Variants in SLC29A1 observed in about 807,000 individuals in gnomAD.
The protein encoded by SLC29A1 is equilibrative nucleoside transporter 1.
In SLC29A1, 22 loss-of-function variants were observed where a neutral mutation model predicts 48.3. The ratio of observed to expected loss-of-function variants is 0.46; its 90% CI spans 0.33 to 0.65. SLC29A1 has a LOEUF of 0.65. Ranked by LOEUF, SLC29A1 falls within the 30% of genes least tolerant of loss-of-function variation. The pLI is 0.03. For synonymous variants in SLC29A1, 228 were observed against 231.0 expected, an observed-to-expected ratio of 0.99 and a Z score of 0.12; for missense variants, 491 against 575.3, an observed-to-expected ratio of 0.85 and a Z score of 1.50.
chr6:44,219,979 C>A (rs1466031039), upstream of SLC29A1, among the ~76,000 whole-genome samples: 1 of 152,170 alleles, frequency 6.6e-6, no homozygotes, highest in African/African-American at 2.4e-5. Context: ...TATTAGATGA[C>A]TGCCTCCCCA....
At chr6:44,231,562 A>G (rs1251614692) in intron 9 of SLC29A1, 101 bp downstream of exon 9, 7 of 780,618 alleles carry the variant, frequency 9.0e-6, no homozygotes, top group Non-Finnish European at 1.6e-5. Flanking sequence ...CTGACCTGAG[A>G]GTGGTCACTC....
At position 44,231,348 on chromosome 6, in the gene SLC29A1, T is replaced by A; in HGVS notation, c.767-16T>A. 1 of 1,533,320 alleles carries A rather than the reference T, an allele frequency of 6.5e-7. No individual in the cohort carries two copies. Among genetic ancestry groups the A allele is most frequent in the Non-Finnish European group, 9.0e-7 (1 of 1,113,962 alleles). The allele number at this position is 1,533,320 out of a possible 1,614,324, so 95.0% of individuals were successfully genotyped here. A position where few individuals can be genotyped will look rare whatever the true frequency, so the allele number is the denominator to read the frequency against. ...TCTGTCTTCCCCACAACTTGGAGAT[T>A]TCTTCCATCCCGCAGGAGAGGAGCC... On this transcript the variant is annotated splice_polypyrimidine_tract_variant and intron_variant, in intron 8 of 12. Coordinates refer to ENST00000371755, the MANE Select transcript of SLC29A1 (RefSeq NM_001372327.1).
intron 1 of SLC29A1, among the ~76,000 whole-genome samples, chr6:44,225,153 C>T (rs560719939): frequency 3.6e-4 from 54 of 152,040 alleles, no homozygotes; most frequent in Non-Finnish European, 5.3e-4. Context: ...GGGTGGAGTA[C>T]GGGGTATGCG....
intron 12 of SLC29A1, 83 bp downstream of exon 12, chr6:44,233,089 A>C: frequency 7.2e-7 from 1 of 1,386,256 alleles, no homozygotes; most frequent in Non-Finnish European, 1.0e-6. Flanking sequence ...GGGAGGGCAA[A>C]AGGAGAGTCC....
rs1554137129 is a variant in SLC29A1, at chr6:44,229,623, T to C, written c.146T>C (p.Val49Ala). 6.2e-7 allele frequency: 1 copy of C among 1,614,198 alleles called. No individual in the cohort carries two copies. The highest frequency in any genetic ancestry group is 1.1e-5 in the South Asian group (1 of 91,086). Reference protein sequence around the residue: ...FTNRLDMSQNVSLVTAELSKD... With the variant: ...FTNRLDMSQNASLVTAELSKD... The stretch of plus-strand genomic sequence containing the variant: ...AACCGCCTGGACATGTCCCAGAATG[T>C]GTCCTTGGTCACTGCTGAACTGAGC... The change falls in exon 4 of 13, where the codon GTG becomes GCG. Residue 49 changes from valine (V) to alanine (A), a missense_variant. By Grantham distance (64) the Val-to-Ala change is moderately conservative (BLOSUM62 0). Transcript: ENST00000371755. The surrounding 1 kb of genome is among the most constrained non-coding windows in gnomAD (Gnocchi z 5.1).
In SLC29A1 at chr6:44,232,784, G is replaced by C. The variant is rs749056309; in HGVS notation, c.1060-23G>C. On this transcript the variant is annotated intron_variant, in intron 11 of 12. Transcript: ENST00000371755. The surrounding 1 kb of genome is among the most constrained non-coding windows in gnomAD (Gnocchi z 4.7). Reference sequence around the variant, plus strand: ...GTGCCCTGGGGTGGCGGCCTGGGCTGAGGCCCTGCCTGGTGCCCACAGCCT... The same window carrying C: ...GTGCCCTGGGGTGGCGGCCTGGGCTCAGGCCCTGCCTGGTGCCCACAGCCT... 2.1e-5 allele frequency: 34 copies of C among 1,604,052 alleles called. No homozygotes were observed. Among genetic ancestry groups the C allele is most frequent in the Non-Finnish European group, 2.9e-5 (34 of 1,178,650 alleles).
chr6:44,225,829 G>C (rs1168994247), intron 1 of SLC29A1: 3 of 152,174 alleles, frequency 2.0e-5, no homozygotes, highest in Admixed American at 2.0e-4. Flanking sequence ...ATGGTGCCCA[G>C]CTGCTTCTGT....
At chr6:44,224,019 G>A in intron 1 of SLC29A1, 4 of 846,700 alleles carry the variant, frequency 4.7e-6, no homozygotes, top group Non-Finnish European at 5.7e-6. Flanking sequence ...GATGGGGATG[G>A]GGATGGAGGC....
chr6:44,219,620 T>G, upstream of SLC29A1: 1 of 1,034,276 alleles, frequency 9.7e-7, no homozygotes, highest in African/African-American at 1.7e-5. Flanking sequence ...GCAGCCTCTC[T>G]TCCGCCCGGC....
rs1779352844 is a variant in SLC29A1, at chr6:44,233,463, T to G, written c.1306T>G (p.Phe436Val). ...AGAGACCGCAGGAGCCATCATGGCC[T>G]TCTTCCTGTGTCTGGGTCTGGCACT... ...EAETAGAIMA[F>V]FLCLGLALGA... The change falls in exon 13 of 13, where the codon TTC becomes GTC. Residue 436 changes from phenylalanine (F) to valine (V), a missense_variant. Transcript: ENST00000371755. 1 of 1,614,058 alleles carries G rather than the reference T, an allele frequency of 6.2e-7. No individual in the cohort carries two copies. The highest frequency in any genetic ancestry group is 1.7e-5 in the Admixed American group (1 of 60,002).
chr6:44,227,251 T>TA lies in SLC29A1; in HGVS notation c.-51-12_-51-11insA. ...CCAAGACAGGGCCTCACACTGTTCC[T>TA]GCCCCCAGCAGGCCCCTGAGGGAGG... On this transcript the variant is annotated splice_polypyrimidine_tract_variant and intron_variant, in intron 1 of 12. Coordinates refer to ENST00000371755, the MANE Select transcript of SLC29A1 (RefSeq NM_001372327.1). 1 of 1,611,060 alleles carries TA rather than the reference T, an allele frequency of 6.2e-7. No individual in the cohort carries two copies. The highest frequency in any genetic ancestry group is 8.5e-7 in the Non-Finnish European group (1 of 1,178,094).
At chr6:44,227,242 C>T in intron 1 of SLC29A1, 21 bp from the exon 2 acceptor site, 1 of 1,607,576 alleles carries the variant, frequency 6.2e-7, no homozygotes, top group East Asian at 2.2e-5. Flanking sequence ...CAGGGCCTCA[C>T]ACTGTTCCTG....
At chr6:44,231,492 C>G in intron 9 of SLC29A1, 31 bp downstream of exon 9, 1 of 1,377,034 alleles carries the variant, frequency 7.3e-7, no homozygotes, top group Non-Finnish European at 1.0e-6. Flanking sequence ...TATCTTCTAC[C>G]CCTTGTCCTC....
rs770638989 is a variant in SLC29A1, at chr6:44,230,798, CCTTA to C, written c.688-9_688-6del. ...CCTCTAAATCCACCTCCCCCGTCTC[CCTTA>C]CTTGATAGGAATTCTACCGCTACTA... On this transcript the variant is annotated splice_polypyrimidine_tract_variant and intron_variant, in intron 7 of 12. Coordinates refer to ENST00000371755, the MANE Select transcript of SLC29A1 (RefSeq NM_001372327.1). The C allele has an allele frequency of 6.2e-6, 10 of 1,611,974 alleles. No individual in the cohort carries two copies. Among genetic ancestry groups the C allele is most frequent in the African/African-American group, 1.3e-5 (1 of 74,830 alleles).
intron 2 of SLC29A1, among the ~76,000 whole-genome samples, chr6:44,227,567 G>C (rs1582942596): frequency 6.6e-6 from 1 of 152,234 alleles, no homozygotes; most frequent in East Asian, 1.9e-4. Context: ...TCCCTGGCCT[G>C]TCTGTGTTTC....
Position 44,229,897 on chromosome 6 carries a change from C to T in SLC29A1, c.315-10C>T. On this transcript the variant is annotated splice_polypyrimidine_tract_variant and intron_variant, in intron 4 of 12. Coordinates refer to ENST00000371755, the MANE Select transcript of SLC29A1 (RefSeq NM_001372327.1). This position sits in a 1 kb window ranked among gnomAD's most constrained non-coding sequence, Gnocchi z 5.1. ...CACTTGTCTCTGCCACCCTTGGCCTCTCCCGGCAGGATCCCCCAGTCCGTA... is the reference window on the plus strand; with the variant it reads ...CACTTGTCTCTGCCACCCTTGGCCTTTCCCGGCAGGATCCCCCAGTCCGTA... The T allele has an allele frequency of 6.2e-7, 1 of 1,612,848 alleles. No individual in the cohort carries two copies. The highest frequency in any genetic ancestry group is 8.5e-7 in the Non-Finnish European group (1 of 1,179,984).
At chr6:44,220,990 C>T (rs915047922), upstream of SLC29A1, among the ~76,000 whole-genome samples, 1 of 152,170 alleles carries the variant, frequency 6.6e-6, no homozygotes, top group African/African-American at 2.4e-5. Context: ...AGTGAACCTC[C>T]GGCCTCAGCC....
chr6:44,232,456 C>T lies in SLC29A1; in HGVS notation c.1059+28C>T, dbSNP rs372358354. 3.6e-5 allele frequency: 54 copies of T among 1,500,502 alleles called. No individual in the cohort carries two copies. The highest frequency in any genetic ancestry group is 3.0e-4 in the African/African-American group (22 of 72,290). 92.9% of individuals were successfully genotyped at this position (1,500,502 alleles called of 1,614,324 possible). On this transcript the variant is annotated intron_variant, in intron 11 of 12. Transcript: ENST00000371755. The surrounding 1 kb of genome is among the most constrained non-coding windows in gnomAD (Gnocchi z 4.7). ...AAGTGGAGGAAGAGGGCCCCAGGCC[C>T]CTGTGGGAAGTAAGAGTCCAGCCTG...
chr6:44,223,834 A>C lies in SLC29A1; in HGVS notation c.-52+193A>C. 1.0e-6 allele frequency: 1 copy of C among 1,001,112 alleles called. No individual in the cohort carries two copies. The highest frequency in any genetic ancestry group is 1.7e-5 in the African/African-American group (1 of 57,224). 62.0% of individuals were successfully genotyped at this position (1,001,112 alleles called of 1,614,324 possible). Reference sequence around the variant, plus strand: ...CGCGCACGGGCCAGGGAGCCTGAGGACCCTGCGGGGACCGGGACCCAAGCT... The same window carrying C: ...CGCGCACGGGCCAGGGAGCCTGAGGCCCCTGCGGGGACCGGGACCCAAGCT... On this transcript the variant is annotated intron_variant, in intron 1 of 12. Coordinates refer to ENST00000371755, the MANE Select transcript of SLC29A1 (RefSeq NM_001372327.1). The surrounding 1 kb of genome is among the most constrained non-coding windows in gnomAD (Gnocchi z 5.0).
Sources: gnomAD v4.1 joint callset for allele counts (sites outside exome capture counted in the v4.1 genomes callset) on GRCh38, gnomAD v4.1.1 for gene constraint, Gnocchi (gnomAD v3.1) non-coding constraint, MANE v1.5 for transcripts, NCBI Gene and HGNC (gene_info 2026-07-23, HGNC 2026-07-21) for gene names.